FGGY: variants seen among roughly 807,000 people sequenced by gnomAD.
The protein encoded by FGGY is FGGY carbohydrate kinase domain-containing protein.
Under a neutral mutation model 71.3 loss-of-function variants are expected in FGGY, and 72 were observed. That is an observed-to-expected ratio of 1.01 (90% CI 0.84 to 1.23). FGGY has a LOEUF of 1.23. Among genes scored for constraint, FGGY ranks in the 50% most tolerant of loss-of-function variants. The probability of loss-of-function intolerance (pLI) is 0.00; values close to 1 mark genes in which losing one functional copy is unlikely to be tolerated. For synonymous variants in FGGY, 251 were observed against 250.3 expected (o/e 1.00, Z -0.02); for missense variants, 668 against 682.3 (o/e 0.98, Z 0.23).
At chr1:59,546,119 T>TA (rs932963460) in intron 7 of FGGY, among the ~76,000 whole-genome samples, 16 of 152,194 alleles carry the variant, frequency 1.1e-4, no homozygotes, top group African/African-American at 3.6e-4. Context: ...TTGTTGGTAG[T>TA]AACATCAAAA....
At chr1:59,558,991 C>A (rs1028638580) in intron 8 of FGGY, among the ~76,000 whole-genome samples, 3 of 152,144 alleles carry the variant, frequency 2.0e-5, no homozygotes, top group African/African-American at 4.8e-5. Context: ...GGCAGTCAGA[C>A]CTTATGGTTG....
intron 14 of FGGY, chr1:59,680,905 A>T (rs905905138): frequency 1.3e-5 from 2 of 152,114 alleles, no homozygotes; most frequent in African/African-American, 4.8e-5. Flanking sequence ...CAACTGAGAC[A>T]CCTCTCACAA....
intron 14 of FGGY, among the ~76,000 whole-genome samples, chr1:59,689,930 G>A (rs940004156): frequency 1.4e-4 from 21 of 152,178 alleles, no homozygotes; most frequent in African/African-American, 4.6e-4. Flanking sequence ...CTGTGTGTTG[G>A]ATAGAGTTGA....
At chr1:59,636,166 G>A (rs755282833) in intron 10 of FGGY, among the ~76,000 whole-genome samples, 4 of 152,234 alleles carry the variant, frequency 2.6e-5, no homozygotes, top group East Asian at 3.9e-4. Context: ...TAGGTAGGGC[G>A]GTTGGGCTGC....
intron 14 of FGGY, among the ~76,000 whole-genome samples, chr1:59,687,078 A>G (rs1460112839): frequency 6.6e-6 from 1 of 152,198 alleles, no homozygotes; most frequent in Non-Finnish European, 1.5e-5. Flanking sequence ...GCTCTCAGAG[A>G]GTGCTCCTTC....
At chr1:59,501,420 T>G (rs1451384624) in intron 6 of FGGY, among the ~76,000 whole-genome samples, 1 of 151,190 alleles carries the variant, frequency 6.6e-6, no homozygotes, top group Non-Finnish European at 1.5e-5. Context: ...TGTATTTGAT[T>G]GTGAAAAAAA....
chr1:59,422,816 G>A (rs2065693624), intron 5 of FGGY, among the ~76,000 whole-genome samples: 1 of 152,068 alleles, frequency 6.6e-6, no homozygotes, highest in Non-Finnish European at 1.5e-5. Flanking sequence ...GAAAAGGAAA[G>A]GCAACTGATA....
chr1:59,552,352 C>T (rs568648709), intron 7 of FGGY, among the ~76,000 whole-genome samples: 1 of 152,296 alleles, frequency 6.6e-6, no homozygotes, highest in East Asian at 1.9e-4. Flanking sequence ...CTTCTATTGC[C>T]TGGTTGTGGA....
chr1:59,758,683 T>G (rs913340747), intron 15 of FGGY, among the ~76,000 whole-genome samples: 2 of 152,158 alleles, frequency 1.3e-5, no homozygotes, highest in Non-Finnish European at 2.9e-5. Flanking sequence ...AGAACATTCA[T>G]AGTAGAAGGA....
intron 11 of FGGY, among the ~76,000 whole-genome samples, chr1:59,654,694 A>G (rs1008782440): frequency 5.9e-5 from 9 of 152,164 alleles, no homozygotes; most frequent in African/African-American, 2.2e-4. Context: ...AGTCATTTCC[A>G]CAATTTATTG....
chr1:59,712,065 TC>T (rs2097798078), intron 14 of FGGY, among the ~76,000 whole-genome samples: 1 of 152,150 alleles, frequency 6.6e-6, no homozygotes, highest in Non-Finnish European at 1.5e-5. Context: ...GTTAGTTACT[TC>T]CTAGATACAA....
chr1:59,642,964 G>A (rs567629216), intron 11 of FGGY, among the ~76,000 whole-genome samples: 1 of 151,128 alleles, frequency 6.6e-6, no homozygotes, highest in African/African-American at 2.4e-5. Context: ...GAACCTGGGG[G>A]GTGGAGCTTG....
intron 7 of FGGY, among the ~76,000 whole-genome samples, chr1:59,526,564 G>A (rs928795320): frequency 6.6e-6 from 1 of 152,178 alleles, no homozygotes; most frequent in African/African-American, 2.4e-5. Flanking sequence ...TGTTACAAGA[G>A]TATAGGGAAT....
chr1:59,652,310 A>G (rs1181061961), intron 11 of FGGY, among the ~76,000 whole-genome samples: 3 of 147,938 alleles, frequency 2.0e-5, no homozygotes, highest in African/African-American at 7.6e-5. Flanking sequence ...GCCTTGCTAG[A>G]TTGGGGAAGT....
At chr1:59,491,203 A>G (rs906258355) in intron 6 of FGGY, among the ~76,000 whole-genome samples, 1 of 102,782 alleles carries the variant, frequency 9.7e-6, no homozygotes, top group Non-Finnish European at 2.1e-5. Flanking sequence ...TTGCTTTGGC[A>G]TTGTGTTTTT....
chr1:59,541,991 C>T (rs901913109), intron 7 of FGGY, among the ~76,000 whole-genome samples: 2 of 152,162 alleles, frequency 1.3e-5, no homozygotes, highest in Non-Finnish European at 2.9e-5. Flanking sequence ...ACCTGTCCTG[C>T]GTAAATACTA....
At chr1:59,300,121 C>G (rs574713629) in intron 1 of FGGY, among the ~76,000 whole-genome samples, 1 of 152,160 alleles carries the variant, frequency 6.6e-6, no homozygotes, top group South Asian at 2.1e-4. Context: ...TTTGTAGCAG[C>G]TTTAGTGAGG....
chr1:59,567,698 T>C (rs1361337291), intron 8 of FGGY, among the ~76,000 whole-genome samples: 1 of 151,754 alleles, frequency 6.6e-6, no homozygotes, highest in South Asian at 2.1e-4. Context: ...GATAAAATGG[T>C]CAGTTATTTT....
At chr1:59,499,299 G>GTTTTTTTTTTGTTTTTTTTTTTTT in intron 6 of FGGY, among the ~76,000 whole-genome samples, 1 of 105,804 alleles carries the variant, frequency 9.5e-6, no homozygotes, top group Non-Finnish European at 1.8e-5. Context: ...TACTATGTTT[G>GTTTTTTTTTTGTTTTTTTTTTTTT]TTTTTTTTTT....
Sources: gnomAD v4.1 joint callset for allele counts (sites outside exome capture counted in the v4.1 genomes callset) on GRCh38, gnomAD v4.1.1 for gene constraint, MANE v1.5 for transcripts, NCBI Gene and HGNC (gene_info 2026-07-23, HGNC 2026-07-21) for gene names.